GSE1: variants seen among roughly 807,000 people sequenced by gnomAD.
GSE1 encodes the protein genetic suppressor element 1.
GSE1 carries 32 observed loss-of-function variants against 112.6 expected under a neutral mutation model. The observed-to-expected ratio is 0.28, with a 90% CI of 0.21 to 0.38. GSE1 has a LOEUF of 0.38. Among genes scored for constraint, GSE1 ranks in the 10% least tolerant of loss-of-function variants. The pLI is 1.00. For missense variants in GSE1, 2,348 were observed against 1,699.2 expected (o/e 1.38, Z -6.71); for synonymous variants, 1,115 against 735.6 (o/e 1.52, Z -8.35).
chr16:85,565,357 C>T (rs1363500045), intron 1 of GSE1, among the ~76,000 whole-genome samples: 1 of 150,968 alleles, frequency 6.6e-6, no homozygotes, highest in Non-Finnish European at 1.5e-5. Context: ...TGCCACTGCA[C>T]TCCAGCCTGG....
chr16:85,636,240 C>G (rs542489903), intron 2 of GSE1, among the ~76,000 whole-genome samples: 1 of 152,198 alleles, frequency 6.6e-6, no homozygotes, highest in Non-Finnish European at 1.5e-5. Context: ...AGCGGGCGAG[C>G]AGTGCCACTG....
chr16:85,297,751 T>C (rs1040873824), intron 1 of GSE1, among the ~76,000 whole-genome samples: 8 of 152,218 alleles, frequency 5.3e-5, no homozygotes, highest in African/African-American at 1.9e-4. Context: ...CCTCAAGGGA[T>C]CCTCCCACCT....
intron 2 of GSE1, among the ~76,000 whole-genome samples, chr16:85,461,220 G>A (rs141009290): frequency 1.8e-3 from 267 of 152,312 alleles, no homozygotes; most frequent in African/African-American, 6.3e-3. Context: ...TGGTTTGGAG[G>A]CTGTTCTGTC....
At chr16:85,273,307 C>T (rs540154361) in intron 1 of GSE1, among the ~76,000 whole-genome samples, 2 of 152,314 alleles carry the variant, frequency 1.3e-5, no homozygotes, top group African/African-American at 4.8e-5. Context: ...TATAATTAAG[C>T]GTCCCCAGTC....
intron 14 of GSE1, among the ~76,000 whole-genome samples, chr16:85,669,483 A>G (rs2053152352): frequency 3.3e-5 from 5 of 152,092 alleles, no homozygotes; most frequent in Admixed American, 3.3e-4. Context: ...CAACCAGGAC[A>G]TCAAATCCCG....
At chr16:85,570,266 C>A (rs531516440) in intron 1 of GSE1, among the ~76,000 whole-genome samples, 1 of 152,204 alleles carries the variant, frequency 6.6e-6, no homozygotes, top group African/African-American at 2.4e-5. Context: ...GTCCTCAGAG[C>A]CTCCCAGCAT....
At chr16:85,310,942 G>A (rs1567679963) in intron 1 of GSE1, among the ~76,000 whole-genome samples, 2 of 152,170 alleles carry the variant, frequency 1.3e-5, no homozygotes, top group Admixed American at 6.5e-5. Flanking sequence ...CAGTAGAGGG[G>A]ACAGCAGGGC....
intron 1 of GSE1, among the ~76,000 whole-genome samples, chr16:85,279,257 C>G (rs990904038): frequency 6.6e-6 from 1 of 152,180 alleles, no homozygotes; most frequent in African/African-American, 2.4e-5. Flanking sequence ...TCTACGGGTT[C>G]TATTCTCAGT....
In GSE1 at chr16:85,656,598, T is replaced by C. The variant is rs1335753814; in HGVS notation, c.1245T>C (p.His415=). The change falls in exon 7 of 16, where the codon CAT becomes CAC. Residue 415 remains histidine (H), a synonymous_variant. Coordinates refer to ENST00000253458, the MANE Select transcript of GSE1 (RefSeq NM_014615.5). ...GCTTCCTGCCCGTGGCCGAGCTGCA[T>C]GGGCTGCGTGGCCATGCCACTGAGG... is the stretch of plus-strand genomic sequence containing the variant. ...EPSFLPVAEL[H]GLRGHATEER... is the part of the protein sequence containing the mutation. 2.6e-6 allele frequency: 4 copies of C among 1,546,324 alleles called. No homozygotes were observed. The highest frequency in any genetic ancestry group is 2.0e-5 in the Admixed American group (1 of 50,804).
At chr16:85,249,323 C>T (rs923364117) in intron 1 of GSE1, among the ~76,000 whole-genome samples, 7 of 152,222 alleles carry the variant, frequency 4.6e-5, no homozygotes, top group Non-Finnish European at 8.8e-5. Context: ...GGGGACCCCT[C>T]GCAGAAGGGG....
rs180857388 is a variant in GSE1 at position 85,303,664 on chromosome 16, G to T, written c.2284-53799G>T. Among the ~76,000 whole-genome samples, 679 of 152,382 alleles carry T rather than the reference G, an allele frequency of 4.5e-3. 4 individuals carry two copies. Among genetic ancestry groups the T allele is most frequent in the African/African-American group, 0.015 (636 of 41,590 alleles). ...GCACAGCTGGCCAGCTGCAGACCAG[G>T]TTAGGAAACACGGCGGTGCGGGCAG... On this transcript the variant is annotated intron_variant, in intron 1 of 2. Transcript: ENST00000637419.
chr16:85,501,146 G>A (rs184735587), intron 2 of GSE1, among the ~76,000 whole-genome samples: 6 of 151,272 alleles, frequency 4.0e-5, no homozygotes, highest in Non-Finnish European at 7.4e-5. Flanking sequence ...GACTACAGGC[G>A]CCCCCCACCA....
intron 1 of GSE1, among the ~76,000 whole-genome samples, chr16:85,315,689 A>G (rs377745230): frequency 2.6e-5 from 4 of 152,308 alleles, no homozygotes; most frequent in East Asian, 1.9e-4. Context: ...TGCATTTCAG[A>G]TAAACAACGA....
intron 2 of GSE1, among the ~76,000 whole-genome samples, chr16:85,523,051 G>C (rs543090058): frequency 6.6e-6 from 1 of 151,994 alleles, no homozygotes; most frequent in East Asian, 1.9e-4. Context: ...TGTGTGCTGT[G>C]TGGCTATGTG....
At chr16:85,198,604 C>T (rs1038666079) in intron 1 of GSE1, among the ~76,000 whole-genome samples, 4 of 152,092 alleles carry the variant, frequency 2.6e-5, no homozygotes, top group South Asian at 2.1e-4. Context: ...GGAGGGCTGC[C>T]GTCTTCCCTG....
chr16:85,456,821 C>T (rs571349920), intron 2 of GSE1, among the ~76,000 whole-genome samples: 3 of 152,110 alleles, frequency 2.0e-5, no homozygotes, highest in East Asian at 1.9e-4. Context: ...CTCTGTGCCC[C>T]GCCACACTCC....
At chr16:85,320,659 C>T (rs547660411) in intron 1 of GSE1, among the ~76,000 whole-genome samples, 6 of 152,100 alleles carry the variant, frequency 3.9e-5, no homozygotes, top group Non-Finnish European at 7.4e-5. Flanking sequence ...GTAACATCTT[C>T]CAAGACCGTA....
intron 1 of GSE1, among the ~76,000 whole-genome samples, chr16:85,295,767 AC>A (rs1326007098): frequency 1.3e-5 from 1 of 79,892 alleles, no homozygotes; most frequent in African/African-American, 5.0e-5. Context: ...CTAATTCGTA[AC>A]TTTTTTTTTT....
chr16:85,324,916 CT>C (rs1221286134), intron 1 of GSE1, among the ~76,000 whole-genome samples: 2 of 152,158 alleles, frequency 1.3e-5, no homozygotes, highest in African/African-American at 4.8e-5. Context: ...GAGTTGGACA[CT>C]TTAAAATGGT....
Sources: gnomAD v4.1 joint callset for allele counts (sites outside exome capture counted in the v4.1 genomes callset) on GRCh38, gnomAD v4.1.1 for gene constraint, MANE v1.5 for transcripts, NCBI Gene and HGNC (gene_info 2026-07-23, HGNC 2026-07-21) for gene names.